SCHIP1: variants seen among roughly 807,000 people sequenced by gnomAD.
The protein encoded by SCHIP1 is schwannomin interacting protein 1.
In SCHIP1, 8 loss-of-function variants were observed where a neutral mutation model predicts 29.7. The ratio of observed to expected loss-of-function variants is 0.27; its 90% confidence interval spans 0.16 to 0.49. The LOEUF (loss-of-function observed/expected upper bound fraction) is 0.49, where lower values mean the gene tolerates loss of function less well. Ranked by LOEUF, SCHIP1 falls within the 20% of genes least tolerant of loss-of-function variation. SCHIP1 has a pLI of 0.99. For missense variants in SCHIP1, 193 were observed against 294.6 expected, an observed-to-expected ratio of 0.66 and a Z score of 2.52; for synonymous variants, 76 against 94.9, an observed-to-expected ratio of 0.80 and a Z score of 1.16.
the SCHIP1 span, chr3:159,274,431 C>T: frequency 1.1e-6 from 1 of 889,226 alleles, no homozygotes; most frequent in Non-Finnish European, 1.3e-6. Context: ...AGAGTGGCAG[C>T]TTATTATAAG....
chr3:159,586,545 A>G, the SCHIP1 span, among the ~76,000 whole-genome samples: 1 of 152,018 alleles, frequency 6.6e-6, no homozygotes, highest in Non-Finnish European at 1.5e-5. Context: ...TCCAGAAAAC[A>G]TTTTCTTAAT....
the SCHIP1 span, among the ~76,000 whole-genome samples, chr3:159,577,262 A>G: frequency 6.6e-6 from 1 of 152,316 alleles, no homozygotes; most frequent in South Asian, 2.1e-4. Flanking sequence ...GCAAAACAAG[A>G]CAACAAATCA....
At chr3:159,528,144 T>C in the SCHIP1 span, among the ~76,000 whole-genome samples, 1 of 152,250 alleles carries the variant, frequency 6.6e-6, no homozygotes, top group Non-Finnish European at 1.5e-5. Flanking sequence ...TTGCAATGAA[T>C]AATGCAAAGG....
the SCHIP1 span, among the ~76,000 whole-genome samples, chr3:159,746,501 T>C: frequency 1.3e-5 from 2 of 152,216 alleles, no homozygotes; most frequent in Non-Finnish European, 2.9e-5. Flanking sequence ...TACTGCTGAC[T>C]GTCTGGCACT....
the SCHIP1 span, among the ~76,000 whole-genome samples, chr3:159,737,170 T>C: frequency 6.6e-6 from 1 of 152,188 alleles, no homozygotes; most frequent in African/African-American, 2.4e-5. Context: ...AACACTTCCT[T>C]GTTTTCGGCC....
At chr3:159,884,843 T>A (rs1716807766) in intron 2 of SCHIP1, among the ~76,000 whole-genome samples, 4 of 152,152 alleles carry the variant, frequency 2.6e-5, no homozygotes, top group Admixed American at 2.6e-4. Context: ...GTGTGTTGCT[T>A]TCTAACCCCT....
the SCHIP1 span, among the ~76,000 whole-genome samples, chr3:159,366,222 A>T: frequency 6.6e-6 from 1 of 152,134 alleles, no homozygotes; most frequent in Admixed American, 6.5e-5. Flanking sequence ...TTAAATGACC[A>T]GATCTGGTAT....
At chr3:159,585,364 C>A in the SCHIP1 span, among the ~76,000 whole-genome samples, 4 of 152,128 alleles carry the variant, frequency 2.6e-5, no homozygotes, top group Non-Finnish European at 5.9e-5. Flanking sequence ...CCAGAGACAA[C>A]TTGGTAATTT....
the SCHIP1 span, among the ~76,000 whole-genome samples, chr3:159,372,438 G>A: frequency 6.6e-6 from 1 of 152,068 alleles, no homozygotes; most frequent in Non-Finnish European, 1.5e-5. Context: ...TTGATTTAAT[G>A]TTTTTATACT....
At chr3:159,322,649 T>C in the SCHIP1 span, among the ~76,000 whole-genome samples, 1 of 152,120 alleles carries the variant, frequency 6.6e-6, no homozygotes, top group African/African-American at 2.4e-5. Flanking sequence ...TTCTGGAGTG[T>C]GAGGTGGGGT....
At chr3:159,815,555 C>T in the SCHIP1 span, among the ~76,000 whole-genome samples, 2 of 152,142 alleles carry the variant, frequency 1.3e-5, no homozygotes, top group African/African-American at 4.8e-5. Context: ...TTAGTGATGT[C>T]GCCCATTAAC....
chr3:159,564,798 C>T, the SCHIP1 span, among the ~76,000 whole-genome samples: 2 of 152,130 alleles, frequency 1.3e-5, no homozygotes, highest in South Asian at 4.1e-4. Flanking sequence ...TATGGCAGTA[C>T]TTTGTTCATT....
the SCHIP1 span, among the ~76,000 whole-genome samples, chr3:159,336,887 T>C: frequency 2.6e-5 from 4 of 152,146 alleles, no homozygotes; most frequent in Admixed American, 2.6e-4. Context: ...AAGAAAGTCA[T>C]TGGTAGCTTG....
At chr3:159,836,127 CAGTT>C (rs1471512440), upstream of SCHIP1, among the ~76,000 whole-genome samples, 2 of 152,144 alleles carry the variant, frequency 1.3e-5, no homozygotes, top group Admixed American at 6.5e-5. Context: ...GGTGGGTCCT[CAGTT>C]AGTATTCGTC....
the SCHIP1 span, among the ~76,000 whole-genome samples, chr3:159,307,469 T>C: frequency 6.6e-6 from 1 of 152,176 alleles, no homozygotes; most frequent in Non-Finnish European, 1.5e-5. Flanking sequence ...GTAGGGAATA[T>C]GGACAAAGAA....
the SCHIP1 span, among the ~76,000 whole-genome samples, chr3:159,623,312 T>C: frequency 6.6e-6 from 1 of 152,204 alleles, no homozygotes; most frequent in Non-Finnish European, 1.5e-5. Flanking sequence ...GAGAAGTATA[T>C]ACCTCTTCTG....
chr3:159,385,284 A>G, the SCHIP1 span, among the ~76,000 whole-genome samples: 1 of 152,186 alleles, frequency 6.6e-6, no homozygotes, highest in Non-Finnish European at 1.5e-5. Flanking sequence ...ACAACCGCAC[A>G]TGATGGCTTA....
intron 1 of SCHIP1, among the ~76,000 whole-genome samples, chr3:159,842,816 C>T (rs1008560901): frequency 6.7e-6 from 1 of 149,846 alleles, no homozygotes; most frequent in African/African-American, 2.5e-5. Flanking sequence ...ATCTGAAATT[C>T]ACATTCAACC....
the SCHIP1 span, among the ~76,000 whole-genome samples, chr3:159,426,702 G>T: frequency 6.6e-6 from 1 of 152,162 alleles, no homozygotes; most frequent in Non-Finnish European, 1.5e-5. Flanking sequence ...GCATCATCCT[G>T]ATACCAAAGC....
Sources: gnomAD v4.1 joint callset for allele counts (sites outside exome capture counted in the v4.1 genomes callset) on GRCh38, gnomAD v4.1.1 for gene constraint, MANE v1.5 for transcripts, NCBI Gene and HGNC (gene_info 2026-07-23, HGNC 2026-07-21) for gene names.